Variants in ATP6V0A4 observed in about 807,000 individuals in gnomAD.
The protein encoded by ATP6V0A4 is ATPase H+ transporting V0 subunit a4.
A neutral mutation model predicts 107.3 loss-of-function variants in ATP6V0A4; 86 were observed. The observed-to-expected ratio is 0.80, with a 90% confidence interval of 0.67 to 0.96. The LOEUF is 0.96. Among genes scored for constraint, ATP6V0A4 ranks in the 40% least tolerant of loss-of-function variants. The pLI, the probability that ATP6V0A4 is intolerant of heterozygous loss-of-function variation, is 0.00. For missense variants in ATP6V0A4, 908 were observed against 1,045.6 expected (o/e 0.87, Z 1.81); for synonymous variants, 353 against 381.4 (o/e 0.93, Z 0.87).
At chr7:138,754,999 G>C (rs1175653282) in intron 10 of ATP6V0A4, among the ~76,000 whole-genome samples, 1 of 152,140 alleles carries the variant, frequency 6.6e-6, no homozygotes, top group Non-Finnish European at 1.5e-5. Flanking sequence ...TGTTTCAAGG[G>C]CTCAATAGCC....
intron 21 of ATP6V0A4, among the ~76,000 whole-genome samples, chr7:138,709,034 C>G (rs897244889): frequency 6.6e-6 from 1 of 151,964 alleles, no homozygotes; most frequent in African/African-American, 2.4e-5. Context: ...CATGGGGAAA[C>G]CCCGTCTCTG....
chr7:138,729,076 G>A, intron 17 of ATP6V0A4: 1 of 558,822 alleles, frequency 1.8e-6, no homozygotes, highest in Non-Finnish European at 2.3e-6. Context: ...ACACGGGGTA[G>A]ACACTGGAAA....
chr7:138,781,448 GC>G (rs1807916434), intron 2 of ATP6V0A4, among the ~76,000 whole-genome samples: 1 of 151,674 alleles, frequency 6.6e-6, no homozygotes, highest in Non-Finnish European at 1.5e-5. Flanking sequence ...CTCTGCCTCA[GC>G]CTCCCAAGTA....
chr7:138,731,269 G>A (rs1199613585), intron 17 of ATP6V0A4, among the ~76,000 whole-genome samples: 1 of 152,122 alleles, frequency 6.6e-6, no homozygotes, highest in African/African-American at 2.4e-5. Context: ...GGTAGGGAAA[G>A]AGAACACAAC....
rs1808363310 is a variant in ATP6V0A4 at position 138,790,530 on chromosome 7, G to A, written c.-120-4270C>T. Among the ~76,000 whole-genome samples, 3 of 152,158 alleles carry A rather than the reference G, an allele frequency of 2.0e-5. No homozygotes were observed. In the South Asian group the frequency reaches 6.2e-4, roughly 32 times the overall value. ...GGCTGGTCTCAAACTCCTGACCTCA[G>A]GTGATCAGCCCACCTTGGCCTTCCA... On this transcript the variant is annotated intron_variant, in intron 1 of 21. Coordinates refer to ENST00000310018, the MANE Select transcript of ATP6V0A4 (RefSeq NM_020632.3).
At chr7:138,719,179 C>G (rs1804304820) in intron 19 of ATP6V0A4, among the ~76,000 whole-genome samples, 1 of 152,144 alleles carries the variant, frequency 6.6e-6, no homozygotes, top group Non-Finnish European at 1.5e-5. Context: ...GAACAAGACC[C>G]TGTCTCAAAA....
intron 2 of ATP6V0A4, among the ~76,000 whole-genome samples, chr7:138,774,933 G>T (rs779616965): frequency 3.3e-5 from 5 of 151,954 alleles, no homozygotes; most frequent in Non-Finnish European, 7.4e-5. Flanking sequence ...TCCTTTGGAG[G>T]GGTCTTGTCT....
intron 17 of ATP6V0A4, among the ~76,000 whole-genome samples, chr7:138,731,495 T>G (rs1234251866): frequency 2.0e-5 from 3 of 152,192 alleles, no homozygotes; most frequent in Non-Finnish European, 2.9e-5. Context: ...GGTTAATCAC[T>G]GGGAGAGGCC....
intron 8 of ATP6V0A4, among the ~76,000 whole-genome samples, chr7:138,758,248 A>C (rs1283460069): frequency 2.0e-5 from 3 of 152,218 alleles, no homozygotes; most frequent in Admixed American, 6.5e-5. Context: ...GGTAAAACAA[A>C]GAAAAGAAAA....
intron 1 of ATP6V0A4, among the ~76,000 whole-genome samples, chr7:138,795,515 C>G (rs962431781): frequency 1.3e-5 from 2 of 152,202 alleles, no homozygotes; most frequent in Non-Finnish European, 2.9e-5. Flanking sequence ...GCTCTGCTCA[C>G]GTCAAACACA....
chr7:138,726,236 G>A (rs564002586), intron 18 of ATP6V0A4, among the ~76,000 whole-genome samples: 36 of 152,262 alleles, frequency 2.4e-4, no homozygotes, highest in African/African-American at 4.1e-4. Context: ...TGATCCGCCC[G>A]CCTCGGCCTC....
chr7:138,760,163 G>A (rs1317830482), intron 7 of ATP6V0A4, among the ~76,000 whole-genome samples: 1 of 152,046 alleles, frequency 6.6e-6, no homozygotes, highest in Non-Finnish European at 1.5e-5. Flanking sequence ...TGATAGAATG[G>A]CCAGGCGCCG....
chr7:138,792,284 C>T (rs927175563), intron 1 of ATP6V0A4, among the ~76,000 whole-genome samples: 4 of 152,020 alleles, frequency 2.6e-5, no homozygotes, highest in Non-Finnish European at 4.4e-5. Flanking sequence ...CCAGCCTGGG[C>T]GAGTGGGTAA....
At position 138,755,888 on chromosome 7, in the gene ATP6V0A4, G is replaced by T. The variant is rs76003136; in HGVS notation, c.723-106C>A. On this transcript the variant is annotated intron_variant, in intron 9 of 21. Transcript: ENST00000310018. ...TTTGCTGACTTTAGTTAGATGGCCA[G>T]CCTATCCTAGAATAACTGCGTCTTT... 413 of 1,538,620 alleles carry T rather than the reference G, an allele frequency of 2.7e-4. 1 individual carries two copies. The African/African-American group carries it at 5.2e-3, about 19-fold the overall frequency.
intron 2 of ATP6V0A4, among the ~76,000 whole-genome samples, chr7:138,779,655 G>A (rs994030358): frequency 9.9e-5 from 15 of 152,084 alleles, no homozygotes; most frequent in African/African-American, 1.4e-4. Context: ...AACATGATAC[G>A]ACTGAAAATG....
intron 20 of ATP6V0A4, among the ~76,000 whole-genome samples, chr7:138,712,761 A>G (rs1465353129): frequency 6.7e-6 from 1 of 150,166 alleles, no homozygotes; most frequent in Non-Finnish European, 1.5e-5. Flanking sequence ...CAGTGTGTGT[A>G]TGGGCTGGCC....
At chr7:138,766,578 T>C (rs544634760) in intron 5 of ATP6V0A4, among the ~76,000 whole-genome samples, 2 of 152,080 alleles carry the variant, frequency 1.3e-5, no homozygotes, top group East Asian at 1.9e-4. Context: ...ATAAACGATA[T>C]AGCCCAAAAC....
chr7:138,707,202 A>AGAATATATTATATAAT (rs1803451046), intron 21 of ATP6V0A4, among the ~76,000 whole-genome samples: 2 of 78,676 alleles, frequency 2.5e-5, no homozygotes, highest in Non-Finnish European at 4.3e-5. Context: ...TATATTATAT[A>AGAATATATTATATAAT]ATATATTATA....
In ATP6V0A4 at chr7:138,763,158, TACACACAGAC is replaced by T. The variant is rs535605039; in HGVS notation, c.292-143_292-134del. On this transcript the variant is annotated intron_variant, in intron 5 of 21. Coordinates refer to ENST00000310018, the MANE Select transcript of ATP6V0A4 (RefSeq NM_020632.3). ...ACATGATTGCAGACCCTAATACACA[TACACACAGAC>T]ACACACAGACACACACAGACACACA... 87,688 of 1,142,152 alleles carry T rather than the reference TACACACAGAC, an allele frequency of 0.077. 3,200 individuals are homozygous for T. The highest frequency in any genetic ancestry group is 0.11 in the South Asian group (7,943 of 71,688). 70.8% of individuals were successfully genotyped at this position (1,142,152 alleles called of 1,614,324 possible).
Sources: gnomAD v4.1 joint callset for allele counts (sites outside exome capture counted in the v4.1 genomes callset) on GRCh38, gnomAD v4.1.1 for gene constraint, MANE v1.5 for transcripts, NCBI Gene and HGNC (gene_info 2026-07-23, HGNC 2026-07-21) for gene names.